GIGYF2: variants seen among roughly 807,000 people sequenced by gnomAD.
GIGYF2 encodes the protein GRB10-interacting GYF protein 2.
A neutral mutation model predicts 208.1 loss-of-function variants in GIGYF2; 25 were observed. The observed-to-expected ratio is 0.12, with a 90% CI of 0.09 to 0.17. GIGYF2 has a LOEUF of 0.17. Among genes scored for constraint, GIGYF2 ranks in the 10% least tolerant of loss-of-function variants. The pLI is 1.00. For synonymous variants in GIGYF2, 534 were observed against 543.8 expected, an observed-to-expected ratio of 0.98 and a Z score of 0.25; for missense variants, 1,302 against 1,579.4, an observed-to-expected ratio of 0.82 and a Z score of 2.98.
At chr2:232,753,897 G>A (rs1196145040) in intron 5 of GIGYF2, among the ~76,000 whole-genome samples, 1 of 152,090 alleles carries the variant, frequency 6.6e-6, no homozygotes, top group Non-Finnish European at 1.5e-5. Context: ...CCGGCACAGT[G>A]GCTCACACCT....
At chr2:232,813,952 A>G (rs551308925) in intron 18 of GIGYF2, among the ~76,000 whole-genome samples, 1 of 141,966 alleles carries the variant, frequency 7.0e-6, no homozygotes, top group Admixed American at 7.6e-5. Context: ...TAGTGGCACA[A>G]TCTCGGGTCA....
chr2:232,716,599 G>A (rs1696692787), intron 2 of GIGYF2, among the ~76,000 whole-genome samples: 1 of 151,940 alleles, frequency 6.6e-6, no homozygotes, highest in Admixed American at 6.6e-5. Context: ...GGCTCAGCTG[G>A]TCTTGAACTC....
chr2:232,783,828 G>A (rs975587793), intron 8 of GIGYF2, among the ~76,000 whole-genome samples: 2 of 152,096 alleles, frequency 1.3e-5, no homozygotes, highest in Non-Finnish European at 2.9e-5. Flanking sequence ...TGGGATTGCA[G>A]GCATGCGCCA....
At chr2:232,761,345 A>T in intron 7 of GIGYF2, 51 bp from the exon 8 acceptor site, 3 of 1,210,790 alleles carry the variant, frequency 2.5e-6, no homozygotes, top group African/African-American at 3.0e-5. Flanking sequence ...CACAGATAGG[A>T]AATCTATATC....
chr2:232,708,992 G>T (rs1696260136), intron 2 of GIGYF2, among the ~76,000 whole-genome samples: 2 of 151,970 alleles, frequency 1.3e-5, no homozygotes, highest in South Asian at 4.1e-4. Context: ...GTTGGTGGTG[G>T]GCACCTGTAA....
chr2:232,761,886 A>T (rs1353028714), intron 8 of GIGYF2, among the ~76,000 whole-genome samples: 1 of 151,676 alleles, frequency 6.6e-6, no homozygotes, highest in Non-Finnish European at 1.5e-5. Context: ...AACAAAAAAA[A>T]AAATAACTCA....
intron 22 of GIGYF2, among the ~76,000 whole-genome samples, chr2:232,836,298 A>ATT: frequency 4.9e-5 from 1 of 20,562 alleles, no homozygotes; most frequent in African/African-American, 1.5e-4. Flanking sequence ...ATATATATAT[A>ATT]TATATATATA....
intron 21 of GIGYF2, among the ~76,000 whole-genome samples, chr2:232,824,070 C>T (rs1366253798): frequency 6.6e-6 from 1 of 152,128 alleles, no homozygotes; most frequent in South Asian, 2.1e-4. Flanking sequence ...CAAACTTAAT[C>T]CATACCTATA....
At chr2:232,846,374 T>C (rs1312591809) in intron 26 of GIGYF2, among the ~76,000 whole-genome samples, 1 of 152,210 alleles carries the variant, frequency 6.6e-6, no homozygotes, top group Non-Finnish European at 1.5e-5. Context: ...GTGAAAAGGC[T>C]TTGGCACAGT....
At chr2:232,825,714 ATT>A (rs1183997037) in intron 21 of GIGYF2, among the ~76,000 whole-genome samples, 10 of 149,740 alleles carry the variant, frequency 6.7e-5, no homozygotes, top group Non-Finnish European at 1.2e-4. Context: ...ATTGACTCCA[ATT>A]TTTTTTTTAA....
intron 4 of GIGYF2, among the ~76,000 whole-genome samples, chr2:232,748,212 G>A (rs1189202986): frequency 6.6e-6 from 1 of 152,154 alleles, no homozygotes; most frequent in Non-Finnish European, 1.5e-5. Flanking sequence ...CTGAAACAGT[G>A]TAAAATATAC....
In GIGYF2 at chr2:232,836,316, ATATATATATATATAC is replaced by A. The variant is rs1701618471; in HGVS notation, c.2766+3224_2766+3238del. 5.8e-5 allele frequency among the ~76,000 whole-genome samples: 2 copies of A among 34,624 alleles called. 1 individual carries two copies. The highest frequency in any genetic ancestry group is 2.4e-4 in the African/African-American group (2 of 8,210). 22.7% of individuals were successfully genotyped at this position (34,624 alleles called of 152,430 possible). A position where few individuals can be genotyped will look rare whatever the true frequency, so the allele number is the denominator to read the frequency against. Reference sequence around the variant, plus strand: ...TATATATATATATATATATATATATATATATATATATATACATATATATACTTATATATTTATATA... The same window carrying A: ...TATATATATATATATATATATATATAATATATATACTTATATATTTATATA... On this transcript the variant is annotated intron_variant, in intron 22 of 28. Transcript: ENST00000373563.
intron 2 of GIGYF2, chr2:232,729,534 T>G: frequency 2.3e-6 from 3 of 1,322,680 alleles, no homozygotes; most frequent in Non-Finnish European, 3.0e-6. Flanking sequence ...TAGATTTTGT[T>G]GAAAGCAGCC....
Position 232,844,095 on chromosome 2 carries a change from A to AGC in GIGYF2, c.2939_2940insGC (p.Gln981HisfsTer70), listed in dbSNP as rs1170913055. 43 of 1,519,612 alleles carry AGC rather than the reference A, an allele frequency of 2.8e-5. No individual in the cohort carries two copies. In the East Asian group the frequency reaches 3.9e-4, roughly 14 times the overall value. 94.1% of individuals were successfully genotyped at this position (1,519,612 alleles called of 1,614,324 possible). ...ATGAAAGCTCTTCAGCAGCAGCAGC[A>AGC]ACAGCAACAGCAGAAACTCTCAGGT... On this transcript the variant is annotated frameshift_variant, in exon 24 of 29. Transcript: ENST00000373563. LOFTEE classifies it high-confidence loss of function.
At chr2:232,797,579 A>G (rs921424707) in intron 14 of GIGYF2, among the ~76,000 whole-genome samples, 2 of 151,766 alleles carry the variant, frequency 1.3e-5, no homozygotes, top group East Asian at 1.9e-4. Flanking sequence ...ATTATAAGGA[A>G]TAATACAGAG....
At chr2:232,822,681 G>T (rs1371184340) in intron 21 of GIGYF2, among the ~76,000 whole-genome samples, 1 of 152,156 alleles carries the variant, frequency 6.6e-6, no homozygotes, top group African/African-American at 2.4e-5. Context: ...CTGTCTCGGA[G>T]GGGGAAAAGC....
intron 8 of GIGYF2, chr2:232,766,066 C>T (rs1388782531): frequency 2.1e-6 from 1 of 470,370 alleles, no homozygotes; most frequent in Non-Finnish European, 4.4e-6. Flanking sequence ...ACTTCCTTTT[C>T]CTCAGAGGAT....
chr2:232,750,216 C>T (rs1246657880), intron 5 of GIGYF2, among the ~76,000 whole-genome samples: 1 of 151,804 alleles, frequency 6.6e-6, no homozygotes, highest in Non-Finnish European at 1.5e-5. Context: ...TGGCATATGT[C>T]CTTTACTTGA....
intron 14 of GIGYF2, among the ~76,000 whole-genome samples, chr2:232,799,680 G>A (rs1468627792): frequency 6.6e-6 from 1 of 151,922 alleles, no homozygotes; most frequent in Non-Finnish European, 1.5e-5. Flanking sequence ...TGATCATGTG[G>A]TATTATATTT....
Sources: gnomAD v4.1 joint callset for allele counts (sites outside exome capture counted in the v4.1 genomes callset) on GRCh38, gnomAD v4.1.1 for gene constraint, MANE v1.5 for transcripts, NCBI Gene and HGNC (gene_info 2026-07-23, HGNC 2026-07-21) for gene names.